Variants in HORMAD1 observed in about 807,000 individuals in gnomAD.
The protein encoded by HORMAD1 is HORMA domain-containing protein 1.
HORMAD1 carries 33 observed loss-of-function variants against 58.2 expected under a neutral mutation model. That is an observed-to-expected ratio of 0.57 (90% CI 0.43 to 0.76). The LOEUF is 0.76. HORMAD1 is among the 30% of genes least tolerant of loss of function. The probability of loss-of-function intolerance (pLI) is 0.00; values close to 1 mark genes in which losing one functional copy is unlikely to be tolerated. For missense variants in HORMAD1, 363 were observed against 462.0 expected, an observed-to-expected ratio of 0.79 and a Z score of 1.96; for synonymous variants, 137 against 144.6, an observed-to-expected ratio of 0.95 and a Z score of 0.38.
chr1:150,720,065 C>CACAGCCAGCATAT (rs58677366), intron 1 of HORMAD1, among the ~76,000 whole-genome samples: 2 of 149,998 alleles, frequency 1.3e-5, no homozygotes, highest in South Asian at 4.2e-4. Context: ...AGGTGCCCAC[C>CACAGCCAGCATAT]ATATATATAT....
intron 5 of HORMAD1, among the ~76,000 whole-genome samples, chr1:150,713,122 C>T (rs760885761): frequency 6.6e-6 from 1 of 152,212 alleles, no homozygotes; most frequent in Non-Finnish European, 1.5e-5. Flanking sequence ...TCTTCTCATT[C>T]AGGTCTCTTC....
intron 14 of HORMAD1, 40 bp from the exon 15 acceptor site, chr1:150,698,774 T>C (rs371260657): frequency 2.3e-5 from 25 of 1,105,430 alleles, no homozygotes; most frequent in Middle Eastern, 2.1e-4. Context: ...GATACTTTCC[T>C]GTTTAAATGT....
intron 13 of HORMAD1, among the ~76,000 whole-genome samples, chr1:150,700,628 ACT>A (rs1464204425): frequency 6.6e-6 from 1 of 151,946 alleles, no homozygotes; most frequent in Non-Finnish European, 1.5e-5. Flanking sequence ...CTTAGCTATC[ACT>A]CTCTTATTCT....
At chr1:150,718,407 C>T (rs587727095) in intron 2 of HORMAD1, among the ~76,000 whole-genome samples, 1 of 141,922 alleles carries the variant, frequency 7.0e-6, no homozygotes, top group African/African-American at 2.6e-5. Flanking sequence ...TGACCTCAAA[C>T]TCTTGCGCTC....
chr1:150,699,394 A>G (rs947457245), intron 14 of HORMAD1, among the ~76,000 whole-genome samples: 3 of 152,076 alleles, frequency 2.0e-5, no homozygotes, highest in Admixed American at 1.3e-4. Context: ...TCCTCCTTCT[A>G]CTTCAGTTTT....
At position 150,717,263 on chromosome 1, in the gene HORMAD1, T is replaced by C; in HGVS notation, c.53A>G (p.Asn18Ser). The stretch of plus-strand genomic sequence containing the variant: ...AGACTGGTGTTCAGTTGATATCTTA[T>C]TGGGAAATACCAGTGCACTCTAAAA... ...RTPMSALVFP[N>S]KISTEHQSLV... Residue 18 changes from asparagine to serine, a missense_variant, in exon 3 of 15, where the codon AAT becomes AGT. Physicochemically the swap from Asn to Ser is conservative, Grantham distance 46. This residue lies in a region of HORMAD1 where 128 missense variants were observed against 171.8 expected (regional missense o/e 0.74). Transcript: ENST00000361824. 1 of 1,576,660 alleles carries C rather than the reference T, an allele frequency of 6.3e-7. No homozygotes were observed. The highest frequency in any genetic ancestry group is 8.6e-7 in the Non-Finnish European group (1 of 1,161,054).
chr1:150,704,221 C>T, intron 11 of HORMAD1, 27 bp from the exon 12 acceptor site: 4 of 1,472,250 alleles, frequency 2.7e-6, no homozygotes, highest in African/African-American at 2.8e-5. Context: ...AAAAAGTTAC[C>T]CGGGTATAAA....
At chr1:150,703,422 T>C (rs1445116885) in intron 12 of HORMAD1, 29 bp from the exon 13 acceptor site, 4 of 1,215,926 alleles carry the variant, frequency 3.3e-6, no homozygotes, top group Non-Finnish European at 4.7e-6. Context: ...ACAAAAAATA[T>C]AACTTAGTAT....
At chr1:150,702,175 C>T (rs1345072565) in intron 13 of HORMAD1, among the ~76,000 whole-genome samples, 2 of 152,172 alleles carry the variant, frequency 1.3e-5, no homozygotes, top group African/African-American at 4.8e-5. Flanking sequence ...ATGAAAAACA[C>T]TCAACATCAC....
chr1:150,718,616 G>A (rs915205903), intron 2 of HORMAD1, among the ~76,000 whole-genome samples: 9 of 151,824 alleles, frequency 5.9e-5, no homozygotes, highest in Admixed American at 5.3e-4. Context: ...TTTGTGTCTC[G>A]GTTACAAACA....
Position 150,717,212 on chromosome 1 carries a change from G to T in HORMAD1, c.104C>A (p.Ala35Glu). The T allele has an allele frequency of 6.3e-7, 1 of 1,595,664 alleles. No homozygotes were observed. Among genetic ancestry groups the T allele is most frequent in the Non-Finnish European group, 8.6e-7 (1 of 1,166,956 alleles). The stretch of plus-strand genomic sequence containing the variant: ...ATACGTGATACAGGATACTGAAACT[G>T]CTAGAAGCCTCTTCACTAACACCAA... ...QSLVLVKRLLAVSVSCITYLR... is the reference protein window; with the variant it reads ...QSLVLVKRLLEVSVSCITYLR... Residue 35 changes from alanine to glutamate, a missense_variant, in exon 3 of 15, where the codon GCA (alanine) becomes GAA (glutamate). Physicochemically the swap from Ala to Glu is moderately radical, Grantham distance 107. This residue lies in a region of HORMAD1 where 128 missense variants were observed against 171.8 expected (regional missense o/e 0.74). Transcript: ENST00000361824.
At chr1:150,709,974 AT>A (rs928718977) in intron 7 of HORMAD1, among the ~76,000 whole-genome samples, 3 of 150,124 alleles carry the variant, frequency 2.0e-5, no homozygotes, top group East Asian at 2.0e-4. Flanking sequence ...CCTTCTCCTT[AT>A]TATCACCCTG....
chr1:150,715,709 G>A (rs938875401), intron 3 of HORMAD1, among the ~76,000 whole-genome samples: 4 of 151,970 alleles, frequency 2.6e-5, no homozygotes, highest in Non-Finnish European at 5.9e-5. Flanking sequence ...GATTACAGAC[G>A]TGAGCTTCCA....
chr1:150,698,694 G>A lies in HORMAD1; in HGVS notation c.1145C>T (p.Pro382Leu), dbSNP rs776203628. ...TGGTTCACTAAACTTTCTCCTTTTTGGCACTGACTCTTGACTAGAAGAATC... is the reference window on the plus strand; with the variant it reads ...TGGTTCACTAAACTTTCTCCTTTTTAGCACTGACTCTTGACTAGAAGAATC... ...HFDSSSQESVPKRRKFSEPKE... is the reference protein window; with the variant it reads ...HFDSSSQESVLKRRKFSEPKE... Residue 382 changes from proline to leucine, a missense_variant, in exon 15 of 15, where the codon CCA becomes CTA. Pro to Leu is a moderately conservative substitution (Grantham distance 98). Coordinates refer to ENST00000361824, the MANE Select transcript of HORMAD1 (RefSeq NM_032132.5). 3 of 1,603,314 alleles carry A rather than the reference G, an allele frequency of 1.9e-6. No individual in the cohort carries two copies. The highest frequency in any genetic ancestry group is 2.7e-5 in the African/African-American group (2 of 74,564).
chr1:150,717,140 T>C lies in HORMAD1; in HGVS notation c.176A>G (p.Asp59Gly). Residue 59 changes from aspartate (D) to glycine (G), a missense_variant and splice_region_variant, in exon 3 of 15, where the codon GAT becomes GGT. Physicochemically the swap from Asp to Gly is moderately conservative, Grantham distance 94 (BLOSUM62 -1). Coordinates refer to ENST00000361824, the MANE Select transcript of HORMAD1 (RefSeq NM_032132.5). ...CTTTAAAATAAATATTGTATTACCA[T>C]CTAGATATCTTGTTCCATAAGCGCA... The part of the protein sequence containing the change: ...PECAYGTRYL[D>G]DLCVKILRED... 1.3e-6 allele frequency: 2 copies of C among 1,543,434 alleles called. No homozygotes were observed. Among genetic ancestry groups the C allele is most frequent in the Non-Finnish European group, 1.8e-6 (2 of 1,137,162 alleles).
intron 5 of HORMAD1, 140 bp from the exon 6 acceptor site, chr1:150,711,993 C>T (rs1414486919): frequency 3.2e-5 from 21 of 657,316 alleles, no homozygotes; most frequent in South Asian, 1.9e-4. Context: ...TGCATAAGAT[C>T]AATGCCTATA....
At chr1:150,702,764 G>A (rs1389595403) in intron 13 of HORMAD1, among the ~76,000 whole-genome samples, 2 of 152,146 alleles carry the variant, frequency 1.3e-5, no homozygotes, top group Non-Finnish European at 2.9e-5. Flanking sequence ...GGGAGGGAGA[G>A]CATTAGGATA....
intron 3 of HORMAD1, among the ~76,000 whole-genome samples, chr1:150,716,841 T>C (rs867044068): frequency 6.6e-6 from 1 of 150,886 alleles, no homozygotes; most frequent in Non-Finnish European, 1.5e-5. Context: ...CGGGCGCCTG[T>C]AGTCCCAGCT....
chr1:150,717,295 G>A lies in HORMAD1; in HGVS notation c.34-13C>T. On this transcript the variant is annotated splice_polypyrimidine_tract_variant and intron_variant, in intron 2 of 14. Transcript: ENST00000361824. ...ATACCAGTGCACTCTAAAATTCAAGGGAAAGTAGAACACTTTATTTAAATT... is the reference window on the plus strand; with the variant it reads ...ATACCAGTGCACTCTAAAATTCAAGAGAAAGTAGAACACTTTATTTAAATT... 2 of 1,469,208 alleles carry A rather than the reference G, an allele frequency of 1.4e-6. No individual in the cohort carries two copies. The highest frequency in any genetic ancestry group is 1.4e-5 in the South Asian group (1 of 72,036). 91.0% of individuals were successfully genotyped at this position (1,469,208 alleles called of 1,614,324 possible). A position where few individuals can be genotyped will look rare whatever the true frequency, so the allele number is the denominator to read the frequency against.
Sources: allele counts gnomAD v4.1 joint callset (sites outside exome capture counted in the v4.1 genomes callset), GRCh38; gene constraint gnomAD v4.1.1; regional missense constraint gnomAD v4.1.1; transcripts MANE v1.5; gene names NCBI Gene and HGNC (gene_info 2026-07-23, HGNC 2026-07-21).